Variants in CNTNAP2 observed in about 807,000 individuals in gnomAD.
CNTNAP2 encodes the protein contactin-associated protein-like 2.
A neutral mutation model predicts 155.2 loss-of-function variants in CNTNAP2; 98 were observed. That is an observed-to-expected ratio of 0.63 (90% CI 0.54 to 0.75). CNTNAP2 has a LOEUF of 0.75. Ranked by LOEUF, CNTNAP2 falls within the 30% of genes least tolerant of loss-of-function variation. The probability of loss-of-function intolerance (pLI) is 0.00; values close to 1 mark genes in which losing one functional copy is unlikely to be tolerated. For missense variants in CNTNAP2, 1,727 were observed against 1,688.1 expected (o/e 1.02, Z -0.40); for synonymous variants, 651 against 631.2 (o/e 1.03, Z -0.47).
At chr7:147,211,518 C>G (rs1247502288) in intron 8 of CNTNAP2, among the ~76,000 whole-genome samples, 1 of 151,966 alleles carries the variant, frequency 6.6e-6, no homozygotes, top group African/African-American at 2.4e-5. Flanking sequence ...CCACACACCT[C>G]CAATAATATG....
intron 12 of CNTNAP2, among the ~76,000 whole-genome samples, chr7:147,637,927 A>G (rs1047279282): frequency 2.0e-5 from 3 of 152,180 alleles, no homozygotes; most frequent in Non-Finnish European, 4.4e-5. Flanking sequence ...ATGAGCTGAA[A>G]TATCTCCATA....
At chr7:146,996,696 A>G (rs974369535) in intron 3 of CNTNAP2, among the ~76,000 whole-genome samples, 1 of 151,954 alleles carries the variant, frequency 6.6e-6, no homozygotes, top group African/African-American at 2.4e-5. Context: ...TGAATTCCTT[A>G]TATTACTTCC....
intron 1 of CNTNAP2, among the ~76,000 whole-genome samples, chr7:146,565,731 A>G (rs1798347510): frequency 6.6e-6 from 1 of 152,242 alleles, no homozygotes; most frequent in Non-Finnish European, 1.5e-5. Flanking sequence ...AAGTCTGCAC[A>G]TGAGCTGTTC....
chr7:146,907,679 C>A (rs1418219387), intron 3 of CNTNAP2, among the ~76,000 whole-genome samples: 3 of 149,972 alleles, frequency 2.0e-5, no homozygotes, highest in Non-Finnish European at 3.0e-5. Flanking sequence ...ACAACCGGTA[C>A]CAGCTGCTGC....
intron 1 of CNTNAP2, among the ~76,000 whole-genome samples, chr7:146,721,408 ATATT>A (rs1185864478): frequency 2.3e-5 from 3 of 130,320 alleles, no homozygotes; most frequent in African/African-American, 5.9e-5. Flanking sequence ...CATTCTATAT[ATATT>A]CTATATATAC....
At chr7:147,891,248 A>G (rs1000227215) in intron 13 of CNTNAP2, among the ~76,000 whole-genome samples, 2 of 151,222 alleles carry the variant, frequency 1.3e-5, no homozygotes, top group Non-Finnish European at 2.9e-5. Flanking sequence ...TCTGTCGCCC[A>G]GGCTGGAGCG....
rs573483766 is a variant in CNTNAP2 at position 147,260,765 on chromosome 7, G to A, written c.1349-39376G>A. Among the ~76,000 whole-genome samples, 536 of 152,258 alleles carry A rather than the reference G, an allele frequency of 3.5e-3. 2 individuals are homozygous for A. The highest frequency in any genetic ancestry group is 0.018 in the South Asian group (89 of 4,824). On this transcript the variant is annotated intron_variant, in intron 8 of 23. Transcript: ENST00000361727. ...TATTTAGTTGAGAGGTGTAACCAATGGACTCACCTGTGTGAAAGGATATTG... is the reference window on the plus strand; with the variant it reads ...TATTTAGTTGAGAGGTGTAACCAATAGACTCACCTGTGTGAAAGGATATTG...
intron 13 of CNTNAP2, among the ~76,000 whole-genome samples, chr7:147,711,415 A>G (rs1263339102): frequency 1.3e-5 from 2 of 152,190 alleles, no homozygotes; most frequent in African/African-American, 4.8e-5. Context: ...ACTCTGCTGT[A>G]CTCACATCGA....
intron 1 of CNTNAP2, among the ~76,000 whole-genome samples, chr7:146,382,655 G>C (rs1353107813): frequency 6.6e-6 from 1 of 152,088 alleles, no homozygotes; most frequent in Non-Finnish European, 1.5e-5. Flanking sequence ...CCATGGAGAT[G>C]CATAGAATTC....
chr7:147,421,819 C>T (rs1318169435), intron 10 of CNTNAP2, among the ~76,000 whole-genome samples: 2 of 151,926 alleles, frequency 1.3e-5, no homozygotes, highest in Admixed American at 6.6e-5. Context: ...CACTTGAGAC[C>T]TGGTCATTTA....
chr7:148,309,741 A>G (rs905002194), intron 21 of CNTNAP2, among the ~76,000 whole-genome samples: 1 of 152,126 alleles, frequency 6.6e-6, no homozygotes, highest in African/African-American at 2.4e-5. Context: ...GAATGTCATG[A>G]GTTAAGGCAG....
rs200106894 is a variant in CNTNAP2 at position 146,464,330 on chromosome 7, G to C, written c.98-309941G>C. The stretch of plus-strand genomic sequence containing the variant: ...CTCCCTATCAGAATATTTAATAAGG[G>C]TGTGGCTTTGGAAGGAAATTGTCTC... On this transcript the variant is annotated intron_variant, in intron 1 of 23. Coordinates refer to ENST00000361727, the MANE Select transcript of CNTNAP2 (RefSeq NM_014141.6). Among the ~76,000 whole-genome samples the C allele has an allele frequency of 3.3e-5, 5 of 151,902 alleles. No individual in the cohort carries two copies. In the South Asian group the frequency reaches 1.0e-3, roughly 32 times the overall value.
At chr7:148,070,232 A>T (rs1387051248) in intron 15 of CNTNAP2, among the ~76,000 whole-genome samples, 4 of 152,260 alleles carry the variant, frequency 2.6e-5, no homozygotes, top group Non-Finnish European at 5.9e-5. Flanking sequence ...AAGGAAAAAT[A>T]AAAACTGACA....
intron 8 of CNTNAP2, among the ~76,000 whole-genome samples, chr7:147,262,970 C>T (rs1272509271): frequency 6.6e-6 from 1 of 152,092 alleles, no homozygotes; most frequent in Non-Finnish European, 1.5e-5. Flanking sequence ...CTATGACAGC[C>T]CCAGAAAACT....
At chr7:147,489,389 C>A (rs1798566131) in intron 11 of CNTNAP2, among the ~76,000 whole-genome samples, 1 of 150,940 alleles carries the variant, frequency 6.6e-6, no homozygotes, top group African/African-American at 2.5e-5. Flanking sequence ...CGTTTAAGAA[C>A]AAAAGAGGCA....
intron 3 of CNTNAP2, among the ~76,000 whole-genome samples, chr7:146,977,697 G>T (rs1410588132): frequency 2.0e-5 from 3 of 152,150 alleles, no homozygotes; most frequent in Admixed American, 2.0e-4. Context: ...CATTCTCTTA[G>T]ATACTATATT....
chr7:147,407,171 A>C (rs1344793520), intron 10 of CNTNAP2, among the ~76,000 whole-genome samples: 1 of 152,160 alleles, frequency 6.6e-6, no homozygotes, highest in Non-Finnish European at 1.5e-5. Context: ...CTAAGTTAGA[A>C]ATACCATACA....
At chr7:148,218,403 T>C (rs1471872496) in intron 19 of CNTNAP2, among the ~76,000 whole-genome samples, 3 of 152,082 alleles carry the variant, frequency 2.0e-5, no homozygotes, top group Non-Finnish European at 2.9e-5. Flanking sequence ...TTATTTTAAT[T>C]TTTTTTGAAA....
chr7:146,844,174 G>A (rs1803799036), intron 3 of CNTNAP2, among the ~76,000 whole-genome samples: 1 of 152,226 alleles, frequency 6.6e-6, no homozygotes, highest in South Asian at 2.1e-4. Flanking sequence ...AATTATGACA[G>A]TTTCACAAGG....
Sources: gnomAD v4.1 joint callset for allele counts (sites outside exome capture counted in the v4.1 genomes callset) on GRCh38, gnomAD v4.1.1 for gene constraint, MANE v1.5 for transcripts, NCBI Gene and HGNC (gene_info 2026-07-23, HGNC 2026-07-21) for gene names.